The following CADM2 variants were observed in gnomAD, a reference collection of about 807,000 sequenced individuals.
CADM2 encodes the protein cell adhesion molecule 2.
CADM2 carries 12 observed loss-of-function variants against 49.8 expected under a neutral mutation model. The ratio of observed to expected loss-of-function variants is 0.24; its 90% CI spans 0.15 to 0.39. The LOEUF is 0.39. CADM2 is among the 10% of genes least tolerant of loss of function. CADM2 has a pLI of 1.00. For synonymous variants in CADM2, 214 were observed against 175.4 expected (o/e 1.22, Z -1.74); for missense variants, 378 against 492.3 (o/e 0.77, Z 2.20).
intron 1 of CADM2, among the ~76,000 whole-genome samples, chr3:85,722,218 G>A (rs982462330): frequency 6.6e-6 from 1 of 151,748 alleles, no homozygotes; most frequent in Non-Finnish European, 1.5e-5. Flanking sequence ...TCTGCAGCTG[G>A]TTATCCTGGT....
intron 8 of CADM2, among the ~76,000 whole-genome samples, chr3:86,017,203 T>G (rs1336369456): frequency 1.3e-5 from 2 of 149,642 alleles, no homozygotes; most frequent in African/African-American, 2.4e-5. Context: ...TAATTTACAC[T>G]ATATAGATAT....
intron 3 of CADM2, among the ~76,000 whole-genome samples, chr3:85,857,537 G>T (rs1245698503): frequency 3.3e-5 from 5 of 151,992 alleles, no homozygotes; most frequent in African/African-American, 1.2e-4. Flanking sequence ...GAGTGCAGTG[G>T]TGCCGTCATA....
At chr3:85,284,137 A>G (rs2043570615) in intron 1 of CADM2, among the ~76,000 whole-genome samples, 1 of 152,194 alleles carries the variant, frequency 6.6e-6, no homozygotes, top group African/African-American at 2.4e-5. Flanking sequence ...TGTAAGTAAA[A>G]ATTAACAAAA....
At chr3:85,568,395 C>T (rs1264696512) in intron 1 of CADM2, among the ~76,000 whole-genome samples, 3 of 108,814 alleles carry the variant, frequency 2.8e-5, no homozygotes, top group Non-Finnish European at 6.6e-5. Flanking sequence ...TTTCCTTCCT[C>T]CCTCTTTCTT....
intron 2 of CADM2, among the ~76,000 whole-genome samples, chr3:85,778,203 G>T (rs2070454293): frequency 6.6e-6 from 1 of 152,078 alleles, no homozygotes; most frequent in African/African-American, 2.4e-5. Flanking sequence ...CTGTTGAAAA[G>T]CATTATTTAC....
Position 86,036,882 on chromosome 3 carries a change from CTT to C in CADM2, c.971-28719_971-28718del, listed in dbSNP as rs535440854. On this transcript the variant is annotated intron_variant, in intron 8 of 9. Coordinates refer to ENST00000383699, the MANE Select transcript of CADM2 (RefSeq NM_001167675.2). ...TCCTTTTTTCTTTTAAAGCTTAACA[CTT>C]TTTATTTGATCACTGGCTTCAATAT... 2.7e-3 allele frequency among the ~76,000 whole-genome samples: 414 copies of C among 152,220 alleles called. 1 individual carries two copies. Among genetic ancestry groups the C allele is most frequent in the African/African-American group, 9.7e-3 (405 of 41,558 alleles).
chr3:85,440,075 A>G (rs1249013001), intron 1 of CADM2, among the ~76,000 whole-genome samples: 2 of 152,208 alleles, frequency 1.3e-5, no homozygotes. Context: ...TAAGAGGAGT[A>G]TCTTAGAGTA....
intron 3 of CADM2, among the ~76,000 whole-genome samples, chr3:85,812,049 T>A (rs1011056205): frequency 2.0e-5 from 3 of 152,082 alleles, no homozygotes; most frequent in African/African-American, 7.2e-5. Flanking sequence ...GCCCTGGGAA[T>A]TATGCTGGGC....
chr3:85,946,723 T>C, intron 7 of CADM2, among the ~76,000 whole-genome samples: 1 of 152,160 alleles, frequency 6.6e-6, no homozygotes, highest in African/African-American at 2.4e-5. Flanking sequence ...CAAATAGTGC[T>C]GGGAAAACTG....
intron 1 of CADM2, among the ~76,000 whole-genome samples, chr3:85,586,108 C>G (rs2062937987): frequency 6.6e-6 from 1 of 151,922 alleles, no homozygotes. Context: ...TCATGCTGTT[C>G]CCATTTGTCC....
intron 3 of CADM2, among the ~76,000 whole-genome samples, chr3:85,813,909 G>T (rs565409763): frequency 6.6e-6 from 1 of 152,122 alleles, no homozygotes; most frequent in East Asian, 1.9e-4. Flanking sequence ...TATCTGTTTT[G>T]GTACTACTAC....
At chr3:85,970,125 T>G (rs1725943605) in intron 8 of CADM2, among the ~76,000 whole-genome samples, 1 of 151,094 alleles carries the variant, frequency 6.6e-6, no homozygotes, top group African/African-American at 2.4e-5. Context: ...CGTGTTTACT[T>G]AGCAACCCAG....
chr3:85,000,064 G>A (rs865860829), intron 1 of CADM2, among the ~76,000 whole-genome samples: 35 of 150,212 alleles, frequency 2.3e-4, no homozygotes, highest in African/African-American at 8.1e-4. Flanking sequence ...AATTTCACAG[G>A]CATATTACTA....
At chr3:85,030,494 TG>T (rs2034931453) in intron 1 of CADM2, among the ~76,000 whole-genome samples, 1 of 152,226 alleles carries the variant, frequency 6.6e-6, no homozygotes, top group Admixed American at 6.5e-5. Flanking sequence ...AATAATAGAC[TG>T]CTTTTCTCAC....
intron 6 of CADM2, among the ~76,000 whole-genome samples, chr3:85,916,668 A>G (rs1472289563): frequency 1.3e-5 from 2 of 152,016 alleles, no homozygotes; most frequent in East Asian, 1.9e-4. Flanking sequence ...ATGATTTATA[A>G]TCCTTTGGGT....
At chr3:85,672,958 G>A (rs2065785053) in intron 1 of CADM2, among the ~76,000 whole-genome samples, 1 of 152,162 alleles carries the variant, frequency 6.6e-6, no homozygotes, top group Non-Finnish European at 1.5e-5. Context: ...TGTTTCTGTA[G>A]TTTTCCCCTT....
chr3:85,064,988 C>T (rs2036473336), intron 1 of CADM2, among the ~76,000 whole-genome samples: 2 of 152,050 alleles, frequency 1.3e-5, no homozygotes, highest in Admixed American at 1.3e-4. Context: ...TTGAATATAA[C>T]AGCAGAGAGA....
At position 85,409,803 on chromosome 3, in the gene CADM2, TG is replaced by T. The variant is rs372715670; in HGVS notation, c.62-316718del. On this transcript the variant is annotated intron_variant, in intron 1 of 9. Transcript: ENST00000383699. ...GAACCCTGTCACTAGATGTGAAAGA[TG>T]TAAGTATAGCAGAAGTTAGATGGCC... Among the ~76,000 whole-genome samples the T allele has an allele frequency of 3.9e-4, 59 of 152,218 alleles. No individual in the cohort carries two copies. The East Asian group carries it at 7.1e-3, about 18-fold the overall frequency.
At chr3:86,021,071 C>T (rs1053076781) in intron 8 of CADM2, among the ~76,000 whole-genome samples, 2 of 152,134 alleles carry the variant, frequency 1.3e-5, no homozygotes, top group Non-Finnish European at 2.9e-5. Context: ...GAGATCTCGG[C>T]TCACTGCAAC....
Sources: gnomAD v4.1 joint callset for allele counts (sites outside exome capture counted in the v4.1 genomes callset) on GRCh38, gnomAD v4.1.1 for gene constraint, MANE v1.5 for transcripts, NCBI Gene and HGNC (gene_info 2026-07-23, HGNC 2026-07-21) for gene names.